FHIT: variants seen among roughly 807,000 people sequenced by gnomAD.
FHIT encodes the protein bis(5'-adenosyl)-triphosphatase.
A neutral mutation model predicts 17.9 loss-of-function variants in FHIT; 19 were observed. The ratio of observed to expected loss-of-function variants is 1.06; its 90% confidence interval spans 0.74 to 1.56. The LOEUF (loss-of-function observed/expected upper bound fraction) is 1.56, where lower values mean the gene tolerates loss of function less well. FHIT is among the 40% of genes most tolerant of loss of function. FHIT has a pLI of 0.00. For synonymous variants in FHIT, 81 were observed against 69.7 expected (o/e 1.16, Z -0.81); for missense variants, 248 against 189.2 (o/e 1.31, Z -1.82).
chr3:60,133,905 A>T (rs151208573), intron 5 of FHIT, among the ~76,000 whole-genome samples: 2 of 152,054 alleles, frequency 1.3e-5, no homozygotes, highest in East Asian at 3.9e-4. Flanking sequence ...AAAAAAGAAA[A>T]TACTGTAGAG....
At chr3:60,227,278 T>C (rs1277482789) in intron 5 of FHIT, among the ~76,000 whole-genome samples, 1 of 152,186 alleles carries the variant, frequency 6.6e-6, no homozygotes, top group African/African-American at 2.4e-5. Flanking sequence ...GCCTGTTTCA[T>C]ACATTATTAG....
intron 5 of FHIT, among the ~76,000 whole-genome samples, chr3:60,218,098 C>A (rs1320201941): frequency 6.6e-6 from 1 of 151,934 alleles, no homozygotes; most frequent in African/African-American, 2.4e-5. Context: ...ATTTTAATTT[C>A]TAATATGGCA....
At chr3:59,993,127 T>G (rs985286826) in intron 7 of FHIT, among the ~76,000 whole-genome samples, 4 of 152,118 alleles carry the variant, frequency 2.6e-5, no homozygotes, top group Non-Finnish European at 5.9e-5. Context: ...GAAAGTTTTC[T>G]TACATCCGGG....
At chr3:59,754,098 C>T (rs1362091933) in intron 8 of FHIT, among the ~76,000 whole-genome samples, 1 of 152,172 alleles carries the variant, frequency 6.6e-6, no homozygotes, top group Non-Finnish European at 1.5e-5. Context: ...TGGCAGCTTG[C>T]AGCAGATGGA....
intron 3 of FHIT, among the ~76,000 whole-genome samples, chr3:60,999,755 G>A (rs1388467446): frequency 6.6e-6 from 1 of 151,992 alleles, no homozygotes; most frequent in Non-Finnish European, 1.5e-5. Context: ...GTAGCTTGTG[G>A]GGAATAATGA....
chr3:59,815,958 T>C (rs1012021945), intron 8 of FHIT, among the ~76,000 whole-genome samples: 2 of 152,192 alleles, frequency 1.3e-5, no homozygotes, highest in Non-Finnish European at 2.9e-5. Flanking sequence ...AGAAAAAGTA[T>C]GGAATTCTCT....
chr3:60,291,143 T>C (rs1380239152), intron 5 of FHIT, among the ~76,000 whole-genome samples: 4 of 152,208 alleles, frequency 2.6e-5, no homozygotes, highest in East Asian at 3.9e-4. Context: ...GGAAGTTTAA[T>C]AGGCCAAAGA....
intron 5 of FHIT, among the ~76,000 whole-genome samples, chr3:60,417,607 A>G (rs67014449): frequency 0.21 from 31,770 of 152,144 alleles, 3,980 homozygotes; most frequent in East Asian, 0.48. Context: ...GTGTTTTTAT[A>G]CTGAATGTCA....
chr3:61,013,704 G>T (rs1463835341), intron 3 of FHIT, among the ~76,000 whole-genome samples: 5 of 152,104 alleles, frequency 3.3e-5, no homozygotes, highest in Non-Finnish European at 5.9e-5. Flanking sequence ...AAGCAGCAAG[G>T]CCCTTTCAAA....
chr3:60,841,758 G>A (rs759019100), intron 3 of FHIT, among the ~76,000 whole-genome samples: 29 of 152,040 alleles, frequency 1.9e-4, no homozygotes, highest in Admixed American at 3.3e-4. Context: ...AGGATGCAGG[G>A]CTTTTAAGTT....
chr3:60,701,461 G>A (rs2041245200), intron 4 of FHIT, among the ~76,000 whole-genome samples: 2 of 152,138 alleles, frequency 1.3e-5, no homozygotes, highest in Admixed American at 6.6e-5. Context: ...TAAGAATAAT[G>A]TGGTGGATAG....
intron 2 of FHIT, among the ~76,000 whole-genome samples, chr3:61,062,313 C>T (rs1309481114): frequency 1.3e-5 from 2 of 151,962 alleles, no homozygotes; most frequent in Admixed American, 6.6e-5. Flanking sequence ...TAATGAGGTC[C>T]CTAAGAGTCC....
Position 60,339,591 on chromosome 3 carries a change from T to C in FHIT, c.103+197269A>G, listed in dbSNP as rs560008552. On this transcript the variant is annotated intron_variant, in intron 5 of 9. Transcript: ENST00000492590. ...TCCTTACTTATTCTCATTTACCCTC[T>C]AGAATTTTATTTCCTGCCTCAGAAA... Among the ~76,000 whole-genome samples the C allele has an allele frequency of 3.3e-5, 5 of 152,250 alleles. No individual in the cohort carries two copies. In the South Asian group the frequency reaches 8.3e-4, roughly 25 times the overall value.
intron 1 of FHIT, among the ~76,000 whole-genome samples, chr3:61,212,983 C>T (rs904373188): frequency 3.9e-5 from 6 of 152,264 alleles, no homozygotes; most frequent in East Asian, 1.9e-4. Flanking sequence ...CCAGGCCTGC[C>T]CTAAAAGAGC....
intron 7 of FHIT, among the ~76,000 whole-genome samples, chr3:59,949,169 T>C (rs1228721948): frequency 6.6e-6 from 1 of 152,250 alleles, no homozygotes; most frequent in Non-Finnish European, 1.5e-5. Flanking sequence ...CATTATATCT[T>C]CTAGATATGA....
At chr3:61,060,017 T>C (rs1423011714) in intron 2 of FHIT, among the ~76,000 whole-genome samples, 7 of 152,050 alleles carry the variant, frequency 4.6e-5, no homozygotes, top group Admixed American at 4.6e-4. Flanking sequence ...TGTAGGTGAG[T>C]GGGTCCTGCA....
intron 5 of FHIT, among the ~76,000 whole-genome samples, chr3:60,121,143 T>A (rs1357424485): frequency 1.3e-5 from 2 of 152,296 alleles, no homozygotes; most frequent in East Asian, 3.9e-4. Flanking sequence ...GTGGGCAATT[T>A]AAACTACCCC....
rs74651459 is a variant in FHIT, at chr3:60,826,628, C to T, written c.-110-4617G>A. 5.6e-4 allele frequency among the ~76,000 whole-genome samples: 86 copies of T among 152,240 alleles called. 2 individuals are homozygous for T. In the East Asian group the frequency reaches 0.016, roughly 28 times the overall value. On this transcript the variant is annotated intron_variant, in intron 3 of 9. Coordinates refer to ENST00000492590, the MANE Select transcript of FHIT (RefSeq NM_002012.4). ...GGTGATTCCTAGCAGACTGTCTCAG[C>T]GTGGAGGGCTGAATTTCAGTTCAGC...
At chr3:59,989,957 C>A (rs1709155253) in intron 7 of FHIT, among the ~76,000 whole-genome samples, 2 of 152,028 alleles carry the variant, frequency 1.3e-5, no homozygotes, top group South Asian at 4.2e-4. Context: ...AAGAAAGAGT[C>A]AAGAGACGGA....
Sources: gnomAD v4.1 joint callset for allele counts (sites outside exome capture counted in the v4.1 genomes callset) on GRCh38, gnomAD v4.1.1 for gene constraint, MANE v1.5 for transcripts, NCBI Gene and HGNC (gene_info 2026-07-23, HGNC 2026-07-21) for gene names.